Variants in NIPBL observed in about 807,000 individuals in gnomAD.
The protein encoded by NIPBL is NIPBL cohesin loading factor, also known as nipped-B-like protein.
NIPBL carries 19 observed loss-of-function variants against 321.8 expected under a neutral mutation model. The observed-to-expected ratio is 0.06, with a 90% CI of 0.04 to 0.09. The LOEUF is 0.09. Ranked by LOEUF, NIPBL falls within the 10% of genes least tolerant of loss-of-function variation. The pLI, the probability that NIPBL is intolerant of heterozygous loss-of-function variation, is 1.00. For missense variants in NIPBL, 2,210 were observed against 3,327.0 expected, an observed-to-expected ratio of 0.66 and a Z score of 8.26; for synonymous variants, 1,106 against 1,114.1, an observed-to-expected ratio of 0.99 and a Z score of 0.14.
chr5:36,961,432 A>T (rs1182854103), intron 4 of NIPBL, 52 bp from the exon 5 acceptor site: 5 of 1,033,286 alleles, frequency 4.8e-6, no homozygotes, highest in Non-Finnish European at 6.1e-6. Flanking sequence ...TATTTAAAGG[A>T]CACTTTACTG....
At position 37,000,469 on chromosome 5, in the gene NIPBL, C is replaced by A. The variant is rs1292140302; in HGVS notation, c.3401C>A (p.Ser1134Tyr). The A allele has an allele frequency of 6.2e-7, 1 of 1,613,204 alleles. No individual in the cohort carries two copies. The highest frequency in any genetic ancestry group is 1.7e-5 in the Admixed American group (1 of 59,888). Residue 1134 changes from serine to tyrosine, a missense_variant, in exon 12 of 47, where the codon TCT becomes TAT. This residue lies in a region of NIPBL where 381 missense variants were observed against 642.3 expected (regional missense o/e 0.59). Coordinates refer to ENST00000282516, the MANE Select transcript of NIPBL (RefSeq NM_133433.4). ...SSGDHRRSGHSHEGRRSSGGG... is the reference protein window; with the variant it reads ...SSGDHRRSGHYHEGRRSSGGG... ...GGGGATCATAGGAGAAGTGGCCACTCTCATGAAGGAAGAAGGAGTTCAGGT... is the reference window on the plus strand; with the variant it reads ...GGGGATCATAGGAGAAGTGGCCACTATCATGAAGGAAGAAGGAGTTCAGGT...
intron 29 of NIPBL, among the ~76,000 whole-genome samples, chr5:37,023,875 C>G (rs1214378379): frequency 1.3e-5 from 2 of 149,824 alleles, no homozygotes; most frequent in African/African-American, 4.9e-5. Flanking sequence ...TCTTATAAAC[C>G]ATAAGATAGG....
chr5:36,984,726 G>A lies in NIPBL; in HGVS notation c.1546G>A (p.Gly516Ser). Residue 516 changes from glycine (G) to serine (S), a missense_variant, in exon 10 of 47, where the codon GGT becomes AGT. Gly to Ser is a moderately conservative substitution (Grantham distance 56). Around this residue, in one of 14 missense-constraint regions of NIPBL, gnomAD observed 588 missense variants for 564.1 expected, o/e 1.04. Transcript: ENST00000282516. ...AGATTCTTACCCACAGGAGGCTGGG[G>A]GTGCTACAGGAGGTAATAGACCAGC... ...KQDSYPQEAG[G>S]ATGGNRPASQ... 6.2e-7 allele frequency: 1 copy of A among 1,612,616 alleles called. No individual in the cohort carries two copies. The highest frequency in any genetic ancestry group is 8.5e-7 in the Non-Finnish European group (1 of 1,179,398).
At chr5:36,914,238 C>G (rs1448149744) in intron 1 of NIPBL, among the ~76,000 whole-genome samples, 1 of 152,206 alleles carries the variant, frequency 6.6e-6, no homozygotes, top group Non-Finnish European at 1.5e-5. Flanking sequence ...ATGTGGGAAG[C>G]ACAGGTTGTT....
rs1209104900 is a variant in NIPBL, at chr5:37,013,300, AC to A, written c.4561-1376del. Among the ~76,000 whole-genome samples the A allele has an allele frequency of 5.3e-4, 61 of 114,468 alleles. 2 individuals carry two copies. The highest frequency in any genetic ancestry group is 0.013 in the Middle Eastern group (2 of 150). The allele number at this position is 114,468 out of a possible 152,430, so 75.1% of individuals were successfully genotyped here. On this transcript the variant is annotated intron_variant, in intron 21 of 46. Coordinates refer to ENST00000282516, the MANE Select transcript of NIPBL (RefSeq NM_133433.4). ...GGGCGGCTGGCCAGGCGGGGGGCTG[AC>A]CCCCCCACCTCCCTCCCGGACGGGG...
At chr5:36,927,969 A>AC (rs994122260) in intron 1 of NIPBL, among the ~76,000 whole-genome samples, 1 of 150,840 alleles carries the variant, frequency 6.6e-6, no homozygotes, top group African/African-American at 2.4e-5. Context: ...GCCATGAGCC[A>AC]CCATGCCCGG....
intron 3 of NIPBL, among the ~76,000 whole-genome samples, chr5:36,956,392 A>G (rs576297030): frequency 1.7e-4 from 26 of 152,178 alleles, no homozygotes; most frequent in Non-Finnish European, 3.5e-4. Context: ...TTAAAAATTC[A>G]TCATGTAGGG....
At chr5:37,036,895 T>G (rs1273363549) in intron 33 of NIPBL, among the ~76,000 whole-genome samples, 2 of 152,054 alleles carry the variant, frequency 1.3e-5, no homozygotes, top group African/African-American at 4.8e-5. Context: ...AAATGTTTTT[T>G]AAAGATTTAT....
chr5:36,952,470 A>G (rs952119367), intron 1 of NIPBL, among the ~76,000 whole-genome samples: 6 of 152,248 alleles, frequency 3.9e-5, no homozygotes, highest in African/African-American at 1.4e-4. Context: ...ATCTTTGATT[A>G]ATGCGTACAT....
intron 1 of NIPBL, among the ~76,000 whole-genome samples, chr5:36,879,587 A>C (rs1410833305): frequency 2.0e-5 from 3 of 152,134 alleles, no homozygotes; most frequent in Admixed American, 6.5e-5. Flanking sequence ...AAGAGTGTAG[A>C]GTGTTCTGCT....
chr5:37,016,883 T>C (rs1006120940), intron 23 of NIPBL, 136 bp from the exon 24 acceptor site: 5 of 615,666 alleles, frequency 8.1e-6, no homozygotes, highest in Non-Finnish European at 1.3e-5. Flanking sequence ...AAAATGACTT[T>C]ATGGGACAAT....
At chr5:36,900,257 G>A (rs1381918507) in intron 1 of NIPBL, among the ~76,000 whole-genome samples, 2 of 152,108 alleles carry the variant, frequency 1.3e-5, no homozygotes, top group Non-Finnish European at 2.9e-5. Context: ...AAACTATGTA[G>A]CATTTACATT....
intron 1 of NIPBL, among the ~76,000 whole-genome samples, chr5:36,917,996 T>C (rs1291158102): frequency 6.6e-6 from 1 of 152,206 alleles, no homozygotes; most frequent in African/African-American, 2.4e-5. Context: ...AGGATTGTCT[T>C]GGCAATGTGG....
intron 10 of NIPBL, among the ~76,000 whole-genome samples, chr5:36,988,470 GATTA>G (rs1388081844): frequency 1.3e-5 from 2 of 151,676 alleles, no homozygotes; most frequent in Non-Finnish European, 2.9e-5. Context: ...CTATCTTTTG[GATTA>G]ATTTATTTAT....
chr5:36,985,636 A>G lies in NIPBL; in HGVS notation c.2456A>G (p.Asp819Gly), dbSNP rs753898269. 2.0e-5 allele frequency: 33 copies of G among 1,613,976 alleles called. No homozygotes were observed. Among genetic ancestry groups the G allele is most frequent in the Non-Finnish European group, 2.6e-5 (31 of 1,179,972 alleles). Residue 819 changes from aspartate (D) to glycine (G), a missense_variant, in exon 10 of 47, where the codon GAT becomes GGT. This residue lies in a region of NIPBL where 588 missense variants were observed against 564.1 expected (regional missense o/e 1.04). Transcript: ENST00000282516. ...SVSESLRRDHDNKQKSDDRGE... is the reference protein window; with the variant it reads ...SVSESLRRDHGNKQKSDDRGE... ...TCTGAGTCACTAAGACGTGACCATG[A>G]TAATAAACAAAAATCAGATGACAGG...
chr5:37,045,247 G>A (rs548501726), intron 36 of NIPBL, among the ~76,000 whole-genome samples, 196 bp from the exon 37 acceptor site: 47 of 152,146 alleles, frequency 3.1e-4, no homozygotes, highest in African/African-American at 1.1e-3. Flanking sequence ...CCAGCTACTT[G>A]GGAAGCTGAG....
intron 16 of NIPBL, among the ~76,000 whole-genome samples, chr5:37,005,319 A>C (rs1024433539): frequency 1.3e-5 from 2 of 152,200 alleles, no homozygotes; most frequent in Non-Finnish European, 2.9e-5. Flanking sequence ...TAAAGTAACA[A>C]TCTACTCCAT....
chr5:37,057,689 C>T (rs1450022592), intron 43 of NIPBL, among the ~76,000 whole-genome samples: 2 of 152,148 alleles, frequency 1.3e-5, no homozygotes, highest in Non-Finnish European at 2.9e-5. Flanking sequence ...CAACATTACA[C>T]ATGAAAATAT....
chr5:37,044,877 G>T, intron 36 of NIPBL, 148 bp downstream of exon 36: 1 of 659,862 alleles, frequency 1.5e-6, no homozygotes, highest in Non-Finnish European at 2.7e-6. Flanking sequence ...ATATTTTCTA[G>T]TGTCTTTTGT....
Sources: gnomAD v4.1 joint callset for allele counts (sites outside exome capture counted in the v4.1 genomes callset) on GRCh38, gnomAD v4.1.1 for gene constraint, gnomAD v4.1.1 regional missense constraint, MANE v1.5 for transcripts, NCBI Gene and HGNC (gene_info 2026-07-23, HGNC 2026-07-21) for gene names.